The following NOTCH1 variants were observed in gnomAD, a reference collection of about 807,000 sequenced individuals.
NOTCH1 encodes the protein notch receptor 1.
In NOTCH1, 37 loss-of-function variants were observed where a neutral mutation model predicts 254.8. That is an observed-to-expected ratio of 0.15 (90% CI 0.11 to 0.19). NOTCH1 has a LOEUF of 0.19. Ranked by LOEUF, NOTCH1 falls within the 10% of genes least tolerant of loss-of-function variation. The pLI, the probability that NOTCH1 is intolerant of heterozygous loss-of-function variation, is 1.00. For missense variants in NOTCH1, 2,972 were observed against 3,708.6 expected (o/e 0.80, Z 5.16); for synonymous variants, 1,731 against 1,618.1 (o/e 1.07, Z -1.68).
intron 17 of NOTCH1, 126 bp downstream of exon 17, chr9:136,510,527 A>G (rs1322441168): frequency 7.5e-7 from 1 of 1,327,542 alleles, no homozygotes; most frequent in Admixed American, 2.0e-5. Flanking sequence ...CACCTGACCC[A>G]ACCCTCCCCG....
intron 2 of NOTCH1, among the ~76,000 whole-genome samples, chr9:136,524,515 G>T (rs574648672): frequency 6.6e-6 from 1 of 152,130 alleles, no homozygotes; most frequent in African/African-American, 2.4e-5. Flanking sequence ...TTGCTAAAGC[G>T]AACAGGCATT....
At chr9:136,527,057 G>A (rs994985248) in intron 2 of NOTCH1, among the ~76,000 whole-genome samples, 8 of 152,236 alleles carry the variant, frequency 5.3e-5, no homozygotes, top group South Asian at 4.1e-4. Flanking sequence ...GAACCGGGCC[G>A]AGCCTGGAGA....
chr9:136,527,127 G>A (rs1004562402), intron 2 of NOTCH1, among the ~76,000 whole-genome samples: 2 of 152,180 alleles, frequency 1.3e-5, no homozygotes, highest in Admixed American at 6.5e-5. Flanking sequence ...CCAGTCTCCC[G>A]CTGCTGCTGT....
intron 2 of NOTCH1, among the ~76,000 whole-genome samples, chr9:136,541,061 G>A (rs1589082662): frequency 1.3e-5 from 2 of 152,082 alleles, no homozygotes; most frequent in Admixed American, 1.3e-4. Context: ...AAGAGCCAAG[G>A]GCCACAGTGA....
chr9:136,509,589 T>A, intron 18 of NOTCH1, 144 bp downstream of exon 18: 1 of 753,256 alleles, frequency 1.3e-6, no homozygotes, highest in East Asian at 2.7e-5. Flanking sequence ...GTCGGTACAA[T>A]GAACAATGTC....
At chr9:136,520,981 C>T (rs1018067835) in intron 4 of NOTCH1, among the ~76,000 whole-genome samples, 8 of 152,178 alleles carry the variant, frequency 5.3e-5, no homozygotes, top group Admixed American at 2.6e-4. Flanking sequence ...ACAGTGCTGA[C>T]GTGCCAGGCA....
At position 136,513,310 on chromosome 9, in the gene NOTCH1, G is replaced by A. The variant is rs1353644763; in HGVS notation, c.2353+82C>T. 6.3e-7 allele frequency: 1 copy of A among 1,596,280 alleles called. No homozygotes were observed. Among genetic ancestry groups the A allele is most frequent in the Admixed American group, 1.7e-5 (1 of 59,440 alleles). ...GGAGACACCATGCATGGTGCTGGCT[G>A]GACCTGGGTCCCGATCCTGTGTCTC... On this transcript the variant is annotated intron_variant, in intron 14 of 33. Coordinates refer to ENST00000651671, the MANE Select transcript of NOTCH1 (RefSeq NM_017617.5). This position sits in a 1 kb window ranked among gnomAD's most constrained non-coding sequence, Gnocchi z 4.7.
In NOTCH1 at chr9:136,495,373, C is replaced by A. The variant is rs1280035935; in HGVS notation, c.*698G>T. The A allele has an allele frequency of 1.0e-5, 4 of 398,890 alleles. No homozygotes were observed. In the South Asian group the frequency reaches 3.8e-4, roughly 38 times the overall value. The allele number at this position is 398,890 out of a possible 1,614,324, so 24.7% of individuals were successfully genotyped here. On this transcript the variant is annotated 3_prime_UTR_variant, in exon 34 of 34. Transcript: ENST00000651671. ...AGATTCATGATTGGTACCATGGGTGCACTCTTGGCATACACACTCCGAGAA... is the reference window on the plus strand; with the variant it reads ...AGATTCATGATTGGTACCATGGGTGAACTCTTGGCATACACACTCCGAGAA...
At chr9:136,544,571 G>C (rs888273958) in intron 1 of NOTCH1, among the ~76,000 whole-genome samples, 1 of 152,228 alleles carries the variant, frequency 6.6e-6, no homozygotes, top group East Asian at 1.9e-4. Flanking sequence ...GGGGAGGGGG[G>C]GTGGCCACAC....
rs1408974470 is a variant in NOTCH1, at chr9:136,494,609, G to GC, written c.*1461dup. On this transcript the variant is annotated 3_prime_UTR_variant, in exon 34 of 34. Transcript: ENST00000651671. Reference sequence around the variant, plus strand: ...AACATCTTGGGACGCATCTGGTCATGCCCCCTGGGGATGGCACCACGCGGC... The same window carrying GC: ...AACATCTTGGGACGCATCTGGTCATGCCCCCCTGGGGATGGCACCACGCGGC... 2 of 398,796 alleles carry GC rather than the reference G, an allele frequency of 5.0e-6. No homozygotes were observed. Among genetic ancestry groups the GC allele is most frequent in the Non-Finnish European group, 8.8e-6 (2 of 226,064 alleles). The allele number at this position is 398,796 out of a possible 1,614,324, so 24.7% of individuals were successfully genotyped here.
intron 27 of NOTCH1, chr9:136,502,820 C>T (rs1480309034): frequency 3.5e-6 from 2 of 565,332 alleles, no homozygotes; most frequent in East Asian, 3.1e-5. Flanking sequence ...ATACAAACTT[C>T]AACACTTCAC....
chr9:136,528,927 T>C (rs1843516721), intron 2 of NOTCH1, among the ~76,000 whole-genome samples: 1 of 152,134 alleles, frequency 6.6e-6, no homozygotes, highest in Non-Finnish European at 1.5e-5. Context: ...GCGGCCAGCC[T>C]GAGGGTGCCC....
Position 136,518,684 on chromosome 9 carries a change from T to C in NOTCH1, c.1006A>G (p.Ile336Val). The C allele has an allele frequency of 6.2e-7, 1 of 1,612,748 alleles. No individual in the cohort carries two copies. Reference protein sequence around the residue: ...GWTGEDCSENIDDCASAACFH... With the variant: ...GWTGEDCSENVDDCASAACFH... The stretch of plus-strand genomic sequence containing the variant: ...CAGGCGGCGCTGGCACAGTCATCAA[T>C]GTTCTCGCTGCAGTCCTCACCAGTC... Residue 336 changes from isoleucine to valine, a missense_variant, in exon 6 of 34, where the codon ATT becomes GTT. This residue lies in a region of NOTCH1 where 374 missense variants were observed against 496.3 expected (regional missense o/e 0.75). Coordinates refer to ENST00000651671, the MANE Select transcript of NOTCH1 (RefSeq NM_017617.5).
At chr9:136,541,855 T>A (rs528010067) in intron 2 of NOTCH1, among the ~76,000 whole-genome samples, 1 of 152,306 alleles carries the variant, frequency 6.6e-6, no homozygotes, top group South Asian at 2.1e-4. Context: ...CATCTTCTCG[T>A]TGGACTTGTG....
At position 136,509,688 on chromosome 9, in the gene NOTCH1, C is replaced by T. The variant is rs570023087; in HGVS notation, c.2969+45G>A. ...AGGCTGCCAGCTACTGCGTGTGGCCCGCACCGCCCGTTCCCTTCCACGGCC... is the reference window on the plus strand; with the variant it reads ...AGGCTGCCAGCTACTGCGTGTGGCCTGCACCGCCCGTTCCCTTCCACGGCC... On this transcript the variant is annotated intron_variant, in intron 18 of 33. Transcript: ENST00000651671. 1.3e-5 allele frequency: 21 copies of T among 1,575,238 alleles called. No homozygotes were observed. The East Asian group carries it at 1.8e-4, about 13-fold the overall frequency.
intron 18 of NOTCH1, 38 bp from the exon 19 acceptor site, chr9:136,509,109 C>T: frequency 1.3e-6 from 2 of 1,522,428 alleles, no homozygotes. Flanking sequence ...GAGTGGAGGG[C>T]ATTGGTGGGT....
chr9:136,526,240 G>A (rs540015565), intron 2 of NOTCH1, among the ~76,000 whole-genome samples: 1 of 152,386 alleles, frequency 6.6e-6, no homozygotes, highest in South Asian at 2.1e-4. Context: ...GCACAGGCTG[G>A]GCTGGGCTGG....
chr9:136,495,171 C>G lies in NOTCH1; in HGVS notation c.*900G>C, dbSNP rs921462196. The G allele has an allele frequency of 7.5e-6, 3 of 398,996 alleles. No homozygotes were observed. In the East Asian group the frequency reaches 1.1e-4, roughly 14 times the overall value. The allele number at this position is 398,996 out of a possible 1,614,324, so 24.7% of individuals were successfully genotyped here. A position where few individuals can be genotyped will look rare whatever the true frequency, so the allele number is the denominator to read the frequency against. ...GGTCAGCCCAGGCAGTGTCTTTCCC[C>G]AGAAAAGGGTAGGATGCCTCCGTGT... On this transcript the variant is annotated 3_prime_UTR_variant, in exon 34 of 34. Transcript: ENST00000651671.
chr9:136,545,675 A>G lies in NOTCH1; in HGVS notation c.61+51T>C. On this transcript the variant is annotated intron_variant, in intron 1 of 33. Coordinates refer to ENST00000651671, the MANE Select transcript of NOTCH1 (RefSeq NM_017617.5). This position sits in a 1 kb window ranked among gnomAD's most constrained non-coding sequence, Gnocchi z 6.8. The stretch of plus-strand genomic sequence containing the variant: ...GGGCGCGCGCGCCGGGCGCCGCCAA[A>G]GTTTCCAAAGGGCGCGGAAAGTGGG... The G allele has an allele frequency of 7.3e-7, 1 of 1,376,120 alleles. No homozygotes were observed. The highest frequency in any genetic ancestry group is 9.5e-7 in the Non-Finnish European group (1 of 1,051,194). 85.2% of individuals were successfully genotyped at this position (1,376,120 alleles called of 1,614,324 possible).
Sources: allele counts gnomAD v4.1 joint callset (sites outside exome capture counted in the v4.1 genomes callset), GRCh38; gene constraint gnomAD v4.1.1; regional missense constraint gnomAD v4.1.1; non-coding constraint Gnocchi (gnomAD v3.1); transcripts MANE v1.5; gene names NCBI Gene and HGNC (gene_info 2026-07-23, HGNC 2026-07-21).